Variants in SLIT2 observed in about 807,000 individuals in gnomAD.
The protein encoded by SLIT2 is slit guidance ligand 2.
A neutral mutation model predicts 185.7 loss-of-function variants in SLIT2; 41 were observed. The observed-to-expected ratio is 0.22, with a 90% CI of 0.17 to 0.29. The LOEUF is 0.29. SLIT2 is among the 10% of genes least tolerant of loss of function. The probability of loss-of-function intolerance (pLI) is 1.00; values close to 1 mark genes in which losing one functional copy is unlikely to be tolerated. For missense variants in SLIT2, 1,571 were observed against 1,909.0 expected (o/e 0.82, Z 3.30); for synonymous variants, 693 against 680.2 (o/e 1.02, Z -0.29).
rs1473049715 is a variant in SLIT2 at position 20,484,755 on chromosome 4, T to A, written c.540-1445T>A. 1.3e-5 allele frequency among the ~76,000 whole-genome samples: 2 copies of A among 152,152 alleles called. No individual in the cohort carries two copies. Among genetic ancestry groups the A allele is most frequent in the African/African-American group, 2.4e-5 (1 of 41,446 alleles). ...CATTAGAAAGATCTAAAAATTTTTATCTCTAGCTTCCCTTGGAAAATCTGA... is the reference window on the plus strand; with the variant it reads ...CATTAGAAAGATCTAAAAATTTTTAACTCTAGCTTCCCTTGGAAAATCTGA... On this transcript the variant is annotated intron_variant, in intron 6 of 36. Transcript: ENST00000504154. This position sits in a 1 kb window ranked among gnomAD's most constrained non-coding sequence, Gnocchi z 4.3.
At chr4:20,548,448 C>T (rs1301076411) in intron 22 of SLIT2, 40 bp from the exon 23 acceptor site, 1 of 995,906 alleles carries the variant, frequency 1.0e-6, no homozygotes, top group East Asian at 2.4e-5. Context: ...ATTTTCATTT[C>T]TGTGGTTAAT....
At chr4:20,271,604 G>A (rs59715782) in intron 4 of SLIT2, among the ~76,000 whole-genome samples, 2,134 of 148,994 alleles carry the variant, frequency 0.014, 52 homozygotes, top group African/African-American at 0.05. Context: ...CTCTGTATAG[G>A]TTGTTCCGAG....
intron 4 of SLIT2, among the ~76,000 whole-genome samples, chr4:20,271,206 A>AT (rs1329075645): frequency 6.6e-6 from 1 of 151,572 alleles, no homozygotes; most frequent in Non-Finnish European, 1.5e-5. Flanking sequence ...TTAAAAACAT[A>AT]TTTTTTTCAC....
chr4:20,286,086 T>C (rs1341279077), intron 4 of SLIT2, among the ~76,000 whole-genome samples: 3 of 152,348 alleles, frequency 2.0e-5, no homozygotes, highest in Non-Finnish European at 4.4e-5. Context: ...AATGCCCACA[T>C]GGCAGGCTAG....
In SLIT2 at chr4:20,514,971, T is replaced by A. The variant is rs966178008; in HGVS notation, c.1058+3834T>A. 2.0e-5 allele frequency among the ~76,000 whole-genome samples: 3 copies of A among 152,348 alleles called. No homozygotes were observed. The East Asian group carries it at 5.8e-4, about 29-fold the overall frequency. On this transcript the variant is annotated intron_variant, in intron 11 of 36. Transcript: ENST00000504154. ...GTAACAATTTCTTAAGAATTCAGCA[T>A]ACTAGTATTTTTAGCATTGTCTGTA...
intron 33 of SLIT2, 87 bp from the exon 34 acceptor site, chr4:20,609,926 A>G: frequency 7.9e-7 from 1 of 1,264,372 alleles, no homozygotes; most frequent in Non-Finnish European, 1.1e-6. Flanking sequence ...TCTTTTCCCA[A>G]GGAGCACTTA....
chr4:20,499,671 G>T (rs1718537544), intron 9 of SLIT2, among the ~76,000 whole-genome samples: 1 of 152,152 alleles, frequency 6.6e-6, no homozygotes. Context: ...TGTATTTTTA[G>T]TAGAGATGGG....
At chr4:20,509,296 A>G (rs1294305413) in intron 9 of SLIT2, among the ~76,000 whole-genome samples, 1 of 152,062 alleles carries the variant, frequency 6.6e-6, no homozygotes, top group Non-Finnish European at 1.5e-5. Context: ...TTTAATGTAG[A>G]GAATAGACTG....
At position 20,618,909 on chromosome 4, in the gene SLIT2, G is replaced by C; in HGVS notation, c.4490G>C (p.Ser1497Thr). 6.2e-7 allele frequency: 1 copy of C among 1,614,140 alleles called. No individual in the cohort carries two copies. Among genetic ancestry groups the C allele is most frequent in the Non-Finnish European group, 8.5e-7 (1 of 1,180,014 alleles). The change falls in exon 37 of 37, where the codon AGC (serine) becomes ACC (threonine). Residue 1497 changes from serine to threonine, a missense_variant. Coordinates refer to ENST00000504154, the MANE Select transcript of SLIT2 (RefSeq NM_004787.4). The part of the protein sequence containing the change: ...AGGQCCGPLR[S>T]KRRKYSFECT... ...GGGCAGTGCTGTGGACCGCTGAGGA[G>C]CAAGCGGCGGAAATACTCTTTCGAA... is the stretch of plus-strand genomic sequence containing the variant.
intron 4 of SLIT2, among the ~76,000 whole-genome samples, chr4:20,352,017 T>A (rs1279691730): frequency 6.6e-6 from 1 of 152,188 alleles, no homozygotes; most frequent in East Asian, 1.9e-4. Flanking sequence ...GAATTTCTCT[T>A]ACAGAGCGAG....
chr4:20,356,294 T>C (rs1722315952), intron 4 of SLIT2, among the ~76,000 whole-genome samples: 1 of 152,152 alleles, frequency 6.6e-6, no homozygotes, highest in Admixed American at 6.6e-5. Context: ...TATTCCTTCC[T>C]CTCCACCCAG....
At chr4:20,299,389 A>G (rs1716821388) in intron 4 of SLIT2, among the ~76,000 whole-genome samples, 1 of 152,216 alleles carries the variant, frequency 6.6e-6, no homozygotes, top group Non-Finnish European at 1.5e-5. Flanking sequence ...TAGCTATTAT[A>G]CTTTCTTGTA....
intron 5 of SLIT2, among the ~76,000 whole-genome samples, chr4:20,472,598 C>CGATATATCTATA (rs1243899697): frequency 1.3e-4 from 1 of 7,780 alleles, no homozygotes; most frequent in South Asian, 8.1e-3. Context: ...AGATATATAT[C>CGATATATCTATA]TATAGATATA....
chr4:20,472,385 T>TATATATCTATATATATA (rs1560453709), intron 5 of SLIT2, among the ~76,000 whole-genome samples: 4 of 39,262 alleles, frequency 1.0e-4, no homozygotes, highest in African/African-American at 1.4e-4. Flanking sequence ...TCTATATATA[T>TATATATCTATATATATA]GTAGATATAT....
intron 4 of SLIT2, among the ~76,000 whole-genome samples, chr4:20,382,392 G>A (rs1018341051): frequency 1.3e-5 from 2 of 152,038 alleles, no homozygotes; most frequent in African/African-American, 4.8e-5. Context: ...AGAAGCAGTA[G>A]AGCCTTCTAA....
At chr4:20,472,506 A>ATC (rs1252953828) in intron 5 of SLIT2, among the ~76,000 whole-genome samples, 2 of 25,624 alleles carry the variant, frequency 7.8e-5, no homozygotes, top group African/African-American at 2.3e-4. Flanking sequence ...ATATATCTAT[A>ATC]TATAGATAGA....
intron 11 of SLIT2, among the ~76,000 whole-genome samples, chr4:20,518,229 A>G (rs151323357): frequency 0.031 from 3,721 of 118,410 alleles, 163 homozygotes; most frequent in East Asian, 0.081. Context: ...ATACATATAT[A>G]TGTGTGTGTG....
intron 25 of SLIT2, among the ~76,000 whole-genome samples, chr4:20,553,173 G>A (rs1306916415): frequency 2.6e-5 from 4 of 152,102 alleles, no homozygotes; most frequent in African/African-American, 9.7e-5. Context: ...GTACTTACCT[G>A]TCCTTTATCT....
chr4:20,573,340 G>T (rs1270485071), intron 29 of SLIT2: 5 of 700,470 alleles, frequency 7.1e-6, no homozygotes, highest in South Asian at 5.9e-5. Context: ...TTCACTGCGG[G>T]TACACAGTAA....
Sources: gnomAD v4.1 joint callset for allele counts (sites outside exome capture counted in the v4.1 genomes callset) on GRCh38, gnomAD v4.1.1 for gene constraint, Gnocchi (gnomAD v3.1) non-coding constraint, MANE v1.5 for transcripts, NCBI Gene and HGNC (gene_info 2026-07-23, HGNC 2026-07-21) for gene names.